The following CACNA1A variants were observed in gnomAD, a reference collection of about 807,000 sequenced individuals.
CACNA1A encodes the protein voltage-dependent P/Q-type calcium channel subunit alpha-1A.
In CACNA1A, 57 loss-of-function variants were observed where a neutral mutation model predicts 262.4. The observed-to-expected ratio is 0.22, with a 90% CI of 0.18 to 0.27. The LOEUF is 0.27. CACNA1A is among the 10% of genes least tolerant of loss of function. CACNA1A has a pLI of 1.00. For synonymous variants in CACNA1A, 1,431 were observed against 1,419.3 expected, an observed-to-expected ratio of 1.01 and a Z score of -0.18; for missense variants, 2,526 against 3,562.8, an observed-to-expected ratio of 0.71 and a Z score of 7.41.
Position 13,214,150 on chromosome 19 carries a change from C to T in CACNA1A, c.5940+83G>A. On this transcript the variant is annotated intron_variant, in intron 40 of 46. Transcript: ENST00000360228. The surrounding 1 kb of genome is among the most constrained non-coding windows in gnomAD (Gnocchi z 4.1). ...AGGGACCTGCCCTGGGGCTCAGCCA[C>T]CCTCATATTCCAGTTGGTTCCCGTG... 8.8e-7 allele frequency: 1 copy of T among 1,140,956 alleles called. No individual in the cohort carries two copies. The highest frequency in any genetic ancestry group is 1.3e-6 in the Non-Finnish European group (1 of 787,204). 70.7% of individuals were successfully genotyped at this position (1,140,956 alleles called of 1,614,324 possible).
At chr19:13,426,990 A>C (rs546232754) in intron 3 of CACNA1A, among the ~76,000 whole-genome samples, 2 of 152,382 alleles carry the variant, frequency 1.3e-5, no homozygotes, top group East Asian at 3.9e-4. Context: ...GTGTTGCATT[A>C]GCATGCAGGC....
At chr19:13,499,557 G>A (rs1489189480) in intron 1 of CACNA1A, among the ~76,000 whole-genome samples, 6 of 151,944 alleles carry the variant, frequency 3.9e-5, no homozygotes. Flanking sequence ...TACGGCTCTG[G>A]CGTTTTGGGG....
chr19:13,369,154 G>A (rs546053009), intron 4 of CACNA1A, among the ~76,000 whole-genome samples: 20 of 151,936 alleles, frequency 1.3e-4, no homozygotes, highest in African/African-American at 4.8e-4. Context: ...TCTTTCTGGT[G>A]TACCCGCCCT....
intron 3 of CACNA1A, among the ~76,000 whole-genome samples, chr19:13,403,697 A>G (rs1180286246): frequency 6.6e-6 from 1 of 152,160 alleles, no homozygotes; most frequent in East Asian, 1.9e-4. Context: ...GCATGTTGGA[A>G]GGCCGAGGTG....
chr19:13,235,942 A>G, intron 31 of CACNA1A: 1 of 499,808 alleles, frequency 2.0e-6, no homozygotes, highest in Admixed American at 3.5e-5. Context: ...GGTGGGAGGG[A>G]GGAAAAGGCA....
At chr19:13,380,082 G>T (rs1047825534) in intron 3 of CACNA1A, among the ~76,000 whole-genome samples, 5 of 134,028 alleles carry the variant, frequency 3.7e-5, no homozygotes, top group African/African-American at 5.7e-5. Context: ...TCAGGAGTTC[G>T]AGACCAGCCT....
intron 1 of CACNA1A, among the ~76,000 whole-genome samples, chr19:13,476,850 C>T (rs1021172894): frequency 6.6e-6 from 1 of 152,180 alleles, no homozygotes; most frequent in Admixed American, 6.5e-5. Context: ...TCACCTCCTT[C>T]CTAATTCCCC....
chr19:13,268,635 C>T (rs1481819813), intron 24 of CACNA1A, among the ~76,000 whole-genome samples: 1 of 151,924 alleles, frequency 6.6e-6, no homozygotes, highest in Admixed American at 6.6e-5. Context: ...GGGGTTTCAC[C>T]GTGTTAGCCA....
At chr19:13,365,259 C>G (rs1384550958) in intron 5 of CACNA1A, 58 bp downstream of exon 5, 1 of 1,506,678 alleles carries the variant, frequency 6.6e-7, no homozygotes, top group Non-Finnish European at 9.1e-7. Context: ...CTAATCCTCC[C>G]AAGAGCTTGT....
At chr19:13,469,317 T>C (rs920730532) in intron 1 of CACNA1A, among the ~76,000 whole-genome samples, 9 of 152,202 alleles carry the variant, frequency 5.9e-5, no homozygotes, top group African/African-American at 2.2e-4. Flanking sequence ...GCTGGTCCCC[T>C]GCTTCCTTGA....
intron 3 of CACNA1A, among the ~76,000 whole-genome samples, chr19:13,428,288 A>T (rs1249872388): frequency 6.6e-6 from 1 of 152,242 alleles, no homozygotes; most frequent in African/African-American, 2.4e-5. Flanking sequence ...TAAAGGGCTC[A>T]TAGTAAATGC....
intron 26 of CACNA1A, chr19:13,260,338 G>T (rs59158597): frequency 0.59 from 68,904 of 116,612 alleles, 16,550 homozygotes; most frequent in Middle Eastern, 0.67. Flanking sequence ...ATATATTTTT[G>T]TTGTTGTTGT....
chr19:13,326,111 T>C lies in CACNA1A; in HGVS notation c.1345+4133A>G, dbSNP rs2145095133. 2.0e-5 allele frequency among the ~76,000 whole-genome samples: 3 copies of C among 150,626 alleles called. No individual in the cohort carries two copies. In the South Asian group the frequency reaches 6.3e-4, roughly 32 times the overall value. Reference sequence around the variant, plus strand: ...TGGGCAGATCACTTGAGGTCAGGAGTTTGAGACCAGCCTGGCCAACATGGT... The same window carrying C: ...TGGGCAGATCACTTGAGGTCAGGAGCTTGAGACCAGCCTGGCCAACATGGT... On this transcript the variant is annotated intron_variant, in intron 10 of 46. Transcript: ENST00000360228.
At chr19:13,208,081 CAA>C in intron 46 of CACNA1A, 28 bp from the exon 47 acceptor site, 1 of 1,134,046 alleles carries the variant, frequency 8.8e-7, no homozygotes. Context: ...CAAAGGAAAT[CAA>C]AAAAAAAGAT....
At chr19:13,467,644 G>A (rs537967407) in intron 1 of CACNA1A, among the ~76,000 whole-genome samples, 13 of 148,392 alleles carry the variant, frequency 8.8e-5, no homozygotes, top group African/African-American at 1.5e-4. Context: ...TCAGTCTGTC[G>A]CCCAGGCTGG....
intron 3 of CACNA1A, among the ~76,000 whole-genome samples, chr19:13,446,464 C>T (rs1163241830): frequency 1.6e-5 from 2 of 123,448 alleles, no homozygotes; most frequent in African/African-American, 6.5e-5. Flanking sequence ...TTTTTTGAGA[C>T]AGAGTCTCAC....
intron 3 of CACNA1A, among the ~76,000 whole-genome samples, chr19:13,398,280 AG>A: frequency 6.6e-6 from 1 of 152,188 alleles, no homozygotes; most frequent in East Asian, 1.9e-4. Flanking sequence ...AAAAAAAAAA[AG>A]AATACACCTT....
chr19:13,394,841 G>T (rs926324124), intron 3 of CACNA1A, among the ~76,000 whole-genome samples: 7 of 152,120 alleles, frequency 4.6e-5, no homozygotes, highest in African/African-American at 1.7e-4. Flanking sequence ...CCTGGGGCTA[G>T]CCACAAAAAC....
chr19:13,403,788 C>CA (rs1381190450), intron 3 of CACNA1A, among the ~76,000 whole-genome samples: 1 of 151,348 alleles, frequency 6.6e-6, no homozygotes, highest in African/African-American at 2.4e-5. Flanking sequence ...AACAAACAAA[C>CA]AAACAAAAAA....
Sources: gnomAD v4.1 joint callset for allele counts (sites outside exome capture counted in the v4.1 genomes callset) on GRCh38, gnomAD v4.1.1 for gene constraint, Gnocchi (gnomAD v3.1) non-coding constraint, MANE v1.5 for transcripts, NCBI Gene and HGNC (gene_info 2026-07-23, HGNC 2026-07-21) for gene names.